The following SPRED3 variants were observed in gnomAD, a reference collection of about 807,000 sequenced individuals.
SPRED3 encodes sprouty-related, EVH1 domain-containing protein 3.
Under a neutral mutation model 37.6 loss-of-function variants are expected in SPRED3, and 23 were observed. The ratio of observed to expected loss-of-function variants is 0.61; its 90% CI spans 0.44 to 0.87. The LOEUF (loss-of-function observed/expected upper bound fraction) is 0.87. SPRED3 is among the 40% of genes least tolerant of loss of function. The pLI is 0.00. For synonymous variants in SPRED3, 302 were observed against 279.6 expected (o/e 1.08, Z -0.80); for missense variants, 584 against 618.6 (o/e 0.94, Z 0.59).
Position 38,395,346 on chromosome 19 carries a change from T to G in SPRED3, c.568-134T>G. The stretch of plus-strand genomic sequence containing the variant: ...GTCTGTCCCTGGAGAAAAGTGGGGA[T>G]TGAGGGACCTTGGGAGAGAAGCAAG... On this transcript the variant is annotated intron_variant, in intron 5 of 5. Transcript: ENST00000691638. The surrounding 1 kb of genome is among the most constrained non-coding windows in gnomAD (Gnocchi z 5.2). 1 of 831,452 alleles carries G rather than the reference T, an allele frequency of 1.2e-6. No homozygotes were observed. The highest frequency in any genetic ancestry group is 1.7e-6 in the Non-Finnish European group (1 of 580,326). The allele number at this position is 831,452 out of a possible 1,614,324, so 51.5% of individuals were successfully genotyped here. A position where few individuals can be genotyped will look rare whatever the true frequency, so the allele number is the denominator to read the frequency against.
Position 38,396,019 on chromosome 19 carries a change from G to A in SPRED3, c.1107G>A (p.Ala369=). 3 of 1,372,148 alleles carry A rather than the reference G, an allele frequency of 2.2e-6. No individual in the cohort carries two copies. The highest frequency in any genetic ancestry group is 2.8e-6 in the Non-Finnish European group (3 of 1,072,676). The allele number at this position is 1,372,148 out of a possible 1,614,324, so 85.0% of individuals were successfully genotyped here. A position where few individuals can be genotyped will look rare whatever the true frequency, so the allele number is the denominator to read the frequency against. The stretch of plus-strand genomic sequence containing the variant: ...CGCGCCCCGCCGCGCGCTGGGCCGC[G>A]CTGGCCGCGCTCTCCCTGGCAGTGC... ...GHPRPAARWA[A]LAALSLAVPC... Residue 369 remains alanine, a synonymous_variant, in exon 6 of 6, where the codon GCG becomes GCA. Coordinates refer to ENST00000691638, the MANE Select transcript of SPRED3 (RefSeq NM_001394336.1).
In SPRED3 at chr19:38,390,406, G is replaced by T; in HGVS notation, c.104G>T (p.Arg35Leu). The T allele has an allele frequency of 7.2e-7, 1 of 1,390,162 alleles. No individual in the cohort carries two copies. The highest frequency in any genetic ancestry group is 9.4e-7 in the Non-Finnish European group (1 of 1,068,228). The allele number at this position is 1,390,162 out of a possible 1,614,324, so 86.1% of individuals were successfully genotyped here. A position where few individuals can be genotyped will look rare whatever the true frequency, so the allele number is the denominator to read the frequency against. The change falls in exon 2 of 6, where the codon CGA becomes CTA. Residue 35 changes from arginine to leucine, a missense_variant. By Grantham distance (102) the Arg-to-Leu change is moderately radical (BLOSUM62 -2). Around this residue, in one of 7 missense-constraint regions of SPRED3, gnomAD observed 88 missense variants for 77.0 expected, o/e 1.14. Coordinates refer to ENST00000691638, the MANE Select transcript of SPRED3 (RefSeq NM_001394336.1). The stretch of plus-strand genomic sequence containing the variant: ...AGCCAGGTGAGCGTGTGTCGGGTCC[G>T]AGGGGCCAGGCCCGAGGGGGGGGCC... ...GLSQVSVCRV[R>L]GARPEGGARQ...
intron 2 of SPRED3, among the ~76,000 whole-genome samples, chr19:38,391,118 A>G (rs888003761): frequency 1.3e-5 from 2 of 151,688 alleles, no homozygotes; most frequent in African/African-American, 4.8e-5. Flanking sequence ...GAATATGGTG[A>G]TACTAGGCAA....
At chr19:38,391,178 C>G (rs1002575105) in intron 2 of SPRED3, among the ~76,000 whole-genome samples, 13 of 151,526 alleles carry the variant, frequency 8.6e-5, no homozygotes, top group African/African-American at 3.2e-4. Context: ...GAAGGGGAAT[C>G]TGTGGAAGTC....
rs774014740 is a variant in SPRED3, at chr19:38,397,903, T to TA, written c.*1773dup. On this transcript the variant is annotated 3_prime_UTR_variant, in exon 6 of 6. Coordinates refer to ENST00000691638, the MANE Select transcript of SPRED3 (RefSeq NM_001394336.1). ...CTGGGCAATGTAGTGAGACCGTCTC[T>TA]AAAAAAAAAAAAAAAGGACCAAGTA... The TA allele has an allele frequency of 0.028, 3,693 of 131,904 alleles. 68 individuals carry two copies. Among genetic ancestry groups the TA allele is most frequent in the South Asian group, 0.047 (200 of 4,224 alleles). 8.2% of individuals were successfully genotyped at this position (131,904 alleles called of 1,614,324 possible).
Position 38,398,311 on chromosome 19 carries a change from A to T in SPRED3, c.*2166A>T, listed in dbSNP as rs1011667911. ...GAGTGCAGTGGCACAATCTCGGCTC[A>T]CCACAACCTCCCCCTCCCGGGTTCA... On this transcript the variant is annotated 3_prime_UTR_variant, in exon 6 of 6. Transcript: ENST00000691638. 1.3e-5 allele frequency: 2 copies of T among 152,140 alleles called. No individual in the cohort carries two copies. The highest frequency in any genetic ancestry group is 2.4e-5 in the African/African-American group (1 of 41,398). 9.4% of individuals were successfully genotyped at this position (152,140 alleles called of 1,614,324 possible).
chr19:38,394,800 GC>G lies in SPRED3; in HGVS notation c.567+16del. 1 of 1,540,888 alleles carries G rather than the reference GC, an allele frequency of 6.5e-7. No homozygotes were observed. Among genetic ancestry groups the G allele is most frequent in the Non-Finnish European group, 8.7e-7 (1 of 1,146,144 alleles). On this transcript the variant is annotated intron_variant, in intron 5 of 5. Coordinates refer to ENST00000691638, the MANE Select transcript of SPRED3 (RefSeq NM_001394336.1). ...TCCTCCGCTCAGGTGCGACCTGGGA[GC>G]CTGGGGCTCCTGGGGGAATGGGGCG...
rs534707793 is a variant in SPRED3, at chr19:38,398,710, C to T, written c.*2565C>T. On this transcript the variant is annotated 3_prime_UTR_variant, in exon 6 of 6. Coordinates refer to ENST00000691638, the MANE Select transcript of SPRED3 (RefSeq NM_001394336.1). The stretch of plus-strand genomic sequence containing the variant: ...GTATGGGGGCCTCAAGGTCTTGGAG[C>T]AAGACAGTCTCAATGTTGTATGGGC... 1 of 152,290 alleles carries T rather than the reference C, an allele frequency of 6.6e-6. No individual in the cohort carries two copies. Among genetic ancestry groups the T allele is most frequent in the East Asian group, 1.9e-4 (1 of 5,168 alleles). The allele number at this position is 152,290 out of a possible 1,614,324, so 9.4% of individuals were successfully genotyped here.
chr19:38,390,119 A>G, intron 1 of SPRED3, 180 bp from the exon 2 acceptor site: 1 of 436,974 alleles, frequency 2.3e-6, no homozygotes, highest in Non-Finnish European at 4.0e-6. Flanking sequence ...GGAAGAAAGG[A>G]GCTGTGTGGA....
Position 38,390,281 on chromosome 19 carries a change from T to C in SPRED3, c.-4-18T>C. On this transcript the variant is annotated intron_variant, in intron 1 of 5. Transcript: ENST00000691638. ...CTCATGACTGTGTTGTCCCTGTCCT[T>C]CCCCCCACCTCCTGCAGGTACATGG... is the stretch of plus-strand genomic sequence containing the variant. 7.5e-7 allele frequency: 1 copy of C among 1,337,138 alleles called. No homozygotes were observed. Among genetic ancestry groups the C allele is most frequent in the African/African-American group, 1.5e-5 (1 of 66,222 alleles). The allele number at this position is 1,337,138 out of a possible 1,614,324, so 82.8% of individuals were successfully genotyped here.
chr19:38,394,627 C>T lies in SPRED3; in HGVS notation c.424-16C>T, dbSNP rs1343403506. 1.3e-5 allele frequency: 21 copies of T among 1,584,510 alleles called. No homozygotes were observed. The Admixed American group carries it at 2.6e-4, about 20-fold the overall frequency. On this transcript the variant is annotated splice_polypyrimidine_tract_variant and intron_variant, in intron 4 of 5. Transcript: ENST00000691638. ...CGGGGGCGTGTCCCCGCGCTGAGGC[C>T]GCCAATCTCCTCCAGTCCCACGTGG...
At position 38,396,532 on chromosome 19, in the gene SPRED3, G is replaced by T. The variant is rs953140658; in HGVS notation, c.*387G>T. 1.2e-5 allele frequency: 2 copies of T among 162,828 alleles called. No individual in the cohort carries two copies. Among genetic ancestry groups the T allele is most frequent in the Non-Finnish European group, 2.6e-5 (2 of 75,474 alleles). The allele number at this position is 162,828 out of a possible 1,614,324, so 10.1% of individuals were successfully genotyped here. On this transcript the variant is annotated 3_prime_UTR_variant, in exon 6 of 6. Transcript: ENST00000691638. ...GTCACGCCTGGCACCATGTCCCTCA[G>T]ATTACAGCCCCACAATTAGTCAGGA...
In SPRED3 at chr19:38,397,944, TCA is replaced by T. The variant is rs1338675403; in HGVS notation, c.*1801_*1802del. 2 of 150,078 alleles carry T rather than the reference TCA, an allele frequency of 1.3e-5. No homozygotes were observed. The highest frequency in any genetic ancestry group is 5.0e-5 in the African/African-American group (2 of 40,254). 9.3% of individuals were successfully genotyped at this position (150,078 alleles called of 1,614,324 possible). On this transcript the variant is annotated 3_prime_UTR_variant, in exon 6 of 6. Transcript: ENST00000691638. ...GGACCAAGTAGGAGCTCCCTCACTGTCACGTCTAGGACCCAGCATTGTCACAG... is the reference window on the plus strand; with the variant it reads ...GGACCAAGTAGGAGCTCCCTCACTGTCGTCTAGGACCCAGCATTGTCACAG...
intron 4 of SPRED3, chr19:38,394,318 A>G: frequency 1.4e-6 from 2 of 1,472,528 alleles, no homozygotes; most frequent in South Asian, 2.2e-5. Flanking sequence ...AGCTGATTAG[A>G]TCAGGAGAAG....
rs977737093 is a variant in SPRED3 at position 38,388,710 on chromosome 19, C to A, written c.-102C>A. 1 of 397,778 alleles carries A rather than the reference C, an allele frequency of 2.5e-6. No homozygotes were observed. Among genetic ancestry groups the A allele is most frequent in the Non-Finnish European group, 4.4e-6 (1 of 225,664 alleles). The allele number at this position is 397,778 out of a possible 1,614,324, so 24.6% of individuals were successfully genotyped here. The stretch of plus-strand genomic sequence containing the variant: ...CCCCCTCGCCCCGGCTCCCGGTGCC[C>A]GTCTCCAGCGCCGCCGGAGCCAGCC... On this transcript the variant is annotated 5_prime_UTR_variant, in exon 1 of 6. Transcript: ENST00000691638.
intron 1 of SPRED3, 43 bp from the exon 2 acceptor site, chr19:38,390,256 C>T (rs761607538): frequency 1.9e-5 from 25 of 1,329,064 alleles, no homozygotes; most frequent in Non-Finnish European, 2.2e-5. Flanking sequence ...AGGGTTTGAG[C>T]TCATGACTGT....
chr19:38,394,842 G>A, intron 5 of SPRED3, 56 bp downstream of exon 5: 2 of 1,473,428 alleles, frequency 1.4e-6, no homozygotes, highest in Non-Finnish European at 1.8e-6. Flanking sequence ...CTCGGGGCCC[G>A]AAGGGAGCGG....
intron 1 of SPRED3, chr19:38,389,944 T>G: frequency 1.4e-5 from 2 of 144,260 alleles, no homozygotes; most frequent in East Asian, 1.8e-4. Context: ...GCTGTGGGTA[T>G]GTGCTGAGGG....
Position 38,393,608 on chromosome 19 carries a change from T to C in SPRED3, c.424-1035T>C, listed in dbSNP as rs58591078. On this transcript the variant is annotated intron_variant, in intron 4 of 5. Transcript: ENST00000691638. ...GCTTTGGCCTCCCAAATTGCTGGGA[T>C]TACAGGTGTATTTCCCGGCCTATTT... is the stretch of plus-strand genomic sequence containing the variant. 8.6e-3 allele frequency among the ~76,000 whole-genome samples: 1,306 copies of C among 152,268 alleles called. 21 individuals are homozygous for C. The highest frequency in any genetic ancestry group is 0.029 in the African/African-American group (1,220 of 41,538).
Sources: allele counts gnomAD v4.1 joint callset (sites outside exome capture counted in the v4.1 genomes callset), GRCh38; gene constraint gnomAD v4.1.1; regional missense constraint gnomAD v4.1.1; non-coding constraint Gnocchi (gnomAD v3.1); transcripts MANE v1.5; gene names NCBI Gene and HGNC (gene_info 2026-07-23, HGNC 2026-07-21).